ZNF33B: variants seen among roughly 807,000 people sequenced by gnomAD.
ZNF33B encodes the protein zinc finger protein 11b (KOX 2).
In ZNF33B, 29 loss-of-function variants were observed where a neutral mutation model predicts 45.8. The ratio of observed to expected loss-of-function variants is 0.63; its 90% CI spans 0.47 to 0.86. The LOEUF is 0.86. Ranked by LOEUF, ZNF33B falls within the 40% of genes least tolerant of loss-of-function variation. The pLI is 0.00. For synonymous variants in ZNF33B, 305 were observed against 307.8 expected, an observed-to-expected ratio of 0.99 and a Z score of 0.10; for missense variants, 831 against 909.9, an observed-to-expected ratio of 0.91 and a Z score of 1.12.
chr10:42,636,940 C>T lies in ZNF33B; in HGVS notation c.-12G>A, dbSNP rs777363967. ...CTTACCTTGTTCATTTTGTTCTGTT[C>T]TTGGAAAGACGGAGACAACTCTGAA... On this transcript the variant is annotated 5_prime_UTR_variant, in exon 2 of 5. Coordinates refer to ENST00000359467, the MANE Select transcript of ZNF33B (RefSeq NM_006955.3). 1.2e-6 allele frequency: 2 copies of T among 1,614,144 alleles called. No homozygotes were observed. Among genetic ancestry groups the T allele is most frequent in the Non-Finnish European group, 1.7e-6 (2 of 1,180,020 alleles).
chr10:42,638,276 T>A (rs994281437), intron 1 of ZNF33B, among the ~76,000 whole-genome samples, 198 bp downstream of exon 1: 12 of 152,236 alleles, frequency 7.9e-5, no homozygotes, highest in African/African-American at 2.7e-4. Context: ...GCACAGGGCG[T>A]AGCCCGCTCC....
intron 1 of ZNF33B, chr10:42,581,565 A>G (rs915410313): frequency 1.3e-5 from 2 of 152,066 alleles, no homozygotes; most frequent in African/African-American, 4.8e-5. Context: ...TGCCGAAGGA[A>G]AGCACAAGAA....
chr10:42,620,268 T>A (rs189327017), intron 4 of ZNF33B, among the ~76,000 whole-genome samples: 98 of 144,298 alleles, frequency 6.8e-4, no homozygotes, highest in African/African-American at 2.3e-3. Flanking sequence ...AAAGGGAATA[T>A]GGGACCAAAG....
intron 4 of ZNF33B, among the ~76,000 whole-genome samples, chr10:42,603,939 G>C (rs779809859): frequency 2.0e-5 from 3 of 152,150 alleles, no homozygotes; most frequent in Non-Finnish European, 4.4e-5. Flanking sequence ...AAATAAATAA[G>C]AAACAACAAC....
intron 4 of ZNF33B, among the ~76,000 whole-genome samples, chr10:42,628,350 C>T (rs540518454): frequency 2.0e-5 from 3 of 152,424 alleles, no homozygotes; most frequent in Admixed American, 6.5e-5. Context: ...TGCTTCAGTC[C>T]TGTTGGCTGA....
At chr10:42,606,789 T>C (rs1343824910) in intron 4 of ZNF33B, among the ~76,000 whole-genome samples, 1 of 82,452 alleles carries the variant, frequency 1.2e-5, no homozygotes, top group East Asian at 5.1e-4. Context: ...ATCACAGAAC[T>C]TAAAGTAAAA....
intron 2 of ZNF33B, 80 bp downstream of exon 2, chr10:42,636,840 A>C: frequency 6.2e-7 from 1 of 1,602,370 alleles, no homozygotes; most frequent in Non-Finnish European, 8.5e-7. Flanking sequence ...AAACAAAACA[A>C]AACAAAAAAA....
At chr10:42,609,093 G>A (rs896821514) in intron 4 of ZNF33B, among the ~76,000 whole-genome samples, 3 of 152,162 alleles carry the variant, frequency 2.0e-5, no homozygotes, top group South Asian at 4.1e-4. Flanking sequence ...ACCTACACAA[G>A]TAAAAAGATT....
chr10:42,635,902 G>C (rs1488701732), intron 2 of ZNF33B, among the ~76,000 whole-genome samples: 1 of 151,342 alleles, frequency 6.6e-6, no homozygotes, highest in African/African-American at 2.4e-5. Flanking sequence ...AGGCCGAGGA[G>C]GGCAGATCAC....
chr10:42,632,610 T>C (rs931419149), intron 2 of ZNF33B, among the ~76,000 whole-genome samples, 171 bp from the exon 3 acceptor site: 1 of 152,202 alleles, frequency 6.6e-6, no homozygotes, highest in Non-Finnish European at 1.5e-5. Context: ...AAAAAAATTA[T>C]CAAGTTCCCA....
At chr10:42,619,088 T>A (rs574197471) in intron 4 of ZNF33B, among the ~76,000 whole-genome samples, 1 of 150,306 alleles carries the variant, frequency 6.7e-6, no homozygotes, top group Non-Finnish European at 1.5e-5. Flanking sequence ...AATCAAATGG[T>A]GGAGTACACA....
At chr10:42,618,338 T>C (rs921416004) in intron 4 of ZNF33B, among the ~76,000 whole-genome samples, 18 of 152,204 alleles carry the variant, frequency 1.2e-4, no homozygotes, top group African/African-American at 4.3e-4. Context: ...ACATTATTTA[T>C]CCATTCAAGA....
chr10:42,596,950 T>C lies in ZNF33B; in HGVS notation c.251-2251A>G, dbSNP rs185635204. Among the ~76,000 whole-genome samples the C allele has an allele frequency of 1.6e-3, 248 of 152,068 alleles. 3 individuals are homozygous for C. Among genetic ancestry groups the C allele is most frequent in the Non-Finnish European group, 3.1e-3 (209 of 67,918 alleles). ...TTCCTTGGTTATACTAGATAGCATA[T>C]ATTATACTATCAGGTATGAGTGTAC... On this transcript the variant is annotated intron_variant, in intron 4 of 4. Coordinates refer to ENST00000359467, the MANE Select transcript of ZNF33B (RefSeq NM_006955.3).
intron 4 of ZNF33B, among the ~76,000 whole-genome samples, chr10:42,608,320 C>G (rs1837950899): frequency 6.6e-6 from 1 of 151,988 alleles, no homozygotes; most frequent in South Asian, 2.1e-4. Context: ...AACATGGAAA[C>G]AGAAGATATA....
chr10:42,609,583 T>TC (rs1838017912), intron 4 of ZNF33B, among the ~76,000 whole-genome samples: 1 of 152,136 alleles, frequency 6.6e-6, no homozygotes. Context: ...CATTCTATGA[T>TC]CCCATTACTA....
At chr10:42,625,941 A>G (rs1838788586) in intron 4 of ZNF33B, among the ~76,000 whole-genome samples, 1 of 152,228 alleles carries the variant, frequency 6.6e-6, no homozygotes, top group South Asian at 2.1e-4. Flanking sequence ...GAGTGGTGAG[A>G]GCAAACATCC....
Position 42,594,375 on chromosome 10 carries a change from T to G in ZNF33B, c.575A>C (p.Glu192Ala). ...HDETHTREKN[E>A]VLKNRNTLSH... is the part of the protein sequence containing the mutation. ...CAGAGTGTTCCTATTTTTCAAAACT[T>G]CATTTTTCTCTCGAGTATGAGTTTC... Residue 192 changes from glutamate to alanine, a missense_variant, in exon 5 of 5, where the codon GAA becomes GCA. Glu to Ala is a moderately radical substitution (Grantham distance 107). Coordinates refer to ENST00000359467, the MANE Select transcript of ZNF33B (RefSeq NM_006955.3). The G allele has an allele frequency of 1.9e-6, 3 of 1,613,916 alleles. No homozygotes were observed. The highest frequency in any genetic ancestry group is 2.5e-6 in the Non-Finnish European group (3 of 1,179,856).
downstream of ZNF33B, among the ~76,000 whole-genome samples, chr10:42,585,929 C>G (rs1380928869): frequency 6.6e-6 from 1 of 152,158 alleles, no homozygotes; most frequent in East Asian, 1.9e-4. Context: ...GGCTGTCTTT[C>G]CCACAATTAT....
At chr10:42,600,758 T>C (rs1411643501) in intron 4 of ZNF33B, among the ~76,000 whole-genome samples, 1 of 152,228 alleles carries the variant, frequency 6.6e-6, no homozygotes, top group East Asian at 1.9e-4. Context: ...TTACTTCTTT[T>C]TCATAGCCTT....
Sources: gnomAD v4.1 joint callset for allele counts (sites outside exome capture counted in the v4.1 genomes callset) on GRCh38, gnomAD v4.1.1 for gene constraint, MANE v1.5 for transcripts, NCBI Gene and HGNC (gene_info 2026-07-23, HGNC 2026-07-21) for gene names.